The following RANBP2 variants were observed in gnomAD, a reference collection of about 807,000 sequenced individuals.
RANBP2 encodes the protein E3 SUMO-protein ligase RanBP2.
In RANBP2, 57 loss-of-function variants were observed where a neutral mutation model predicts 303.6. That is an observed-to-expected ratio of 0.19 (90% CI 0.15 to 0.23). The LOEUF (loss-of-function observed/expected upper bound fraction) is 0.23. RANBP2 is among the 10% of genes least tolerant of loss of function. The probability of loss-of-function intolerance (pLI) is 1.00; values close to 1 mark genes in which losing one functional copy is unlikely to be tolerated. For synonymous variants in RANBP2, 1,167 were observed against 1,301.5 expected, an observed-to-expected ratio of 0.90 and a Z score of 2.23; for missense variants, 3,138 against 3,780.8, an observed-to-expected ratio of 0.83 and a Z score of 4.46.
the RANBP2 span, among the ~76,000 whole-genome samples, chr2:109,347,045 T>G: frequency 0.21 from 31,298 of 152,158 alleles, 3,687 homozygotes; most frequent in African/African-American, 0.33. Flanking sequence ...CCATGAGTCC[T>G]CTGAGTGGAA....
chr2:109,318,662 C>G, the RANBP2 span, among the ~76,000 whole-genome samples: 1,286 of 152,200 alleles, frequency 8.4e-3, 15 homozygotes, highest in African/African-American at 0.03. Flanking sequence ...GATCAGAGTC[C>G]TAGGGAAGCC....
At chr2:109,720,410 A>G in the RANBP2 span, among the ~76,000 whole-genome samples, 1 of 152,084 alleles carries the variant, frequency 6.6e-6, no homozygotes, top group African/African-American at 2.4e-5. Flanking sequence ...TCACCTAAGG[A>G]GCTTTAAAAA....
At chr2:108,849,766 C>T in the RANBP2 span, among the ~76,000 whole-genome samples, 1 of 152,328 alleles carries the variant, frequency 6.6e-6, no homozygotes, top group Admixed American at 6.5e-5. Flanking sequence ...AGCCTAGGCA[C>T]AAGGGTTTCT....
At chr2:109,706,052 A>G in the RANBP2 span, among the ~76,000 whole-genome samples, 36 of 152,054 alleles carry the variant, frequency 2.4e-4, no homozygotes, top group Non-Finnish European at 4.9e-4. Context: ...CTATTAGAAT[A>G]TTCTTCCAAA....
At chr2:109,093,091 C>T in the RANBP2 span, among the ~76,000 whole-genome samples, 13 of 152,234 alleles carry the variant, frequency 8.5e-5, no homozygotes, top group East Asian at 2.5e-3. Flanking sequence ...TTTTGGGGTT[C>T]ATGTCATAGT....
chr2:109,212,605 T>TC, the RANBP2 span, among the ~76,000 whole-genome samples: 9 of 152,232 alleles, frequency 5.9e-5, no homozygotes, highest in Admixed American at 3.3e-4. Flanking sequence ...ATTTGACAGA[T>TC]CTTTTGGGTT....
At chr2:109,616,043 A>C in the RANBP2 span, 2 of 1,513,572 alleles carry the variant, frequency 1.3e-6, no homozygotes, top group Non-Finnish European at 1.8e-6. Context: ...TCACATTGAG[A>C]CCAAAGTCCA....
chr2:109,628,776 G>GT, the RANBP2 span, among the ~76,000 whole-genome samples: 3 of 152,000 alleles, frequency 2.0e-5, no homozygotes, highest in East Asian at 5.8e-4. Flanking sequence ...CACATTCCAG[G>GT]TAGTGTGTTT....
chr2:109,691,955 G>A, the RANBP2 span, among the ~76,000 whole-genome samples: 2 of 151,896 alleles, frequency 1.3e-5, no homozygotes. Context: ...GCTAATTTTT[G>A]TATTTTTTAG....
At chr2:108,923,575 G>C in the RANBP2 span, 2 of 811,802 alleles carry the variant, frequency 2.5e-6, no homozygotes, top group East Asian at 2.5e-5. Flanking sequence ...ATGAGGCCAC[G>C]CCCACTCAGT....
chr2:109,620,779 G>T, the RANBP2 span, among the ~76,000 whole-genome samples: 4,560 of 152,246 alleles, frequency 0.03, 83 homozygotes, highest in South Asian at 0.076. Context: ...ATTCTAATTG[G>T]CCTTAAATAG....
chr2:108,734,670 G>A (rs1348527900), intron 4 of RANBP2, among the ~76,000 whole-genome samples: 2 of 151,940 alleles, frequency 1.3e-5, no homozygotes, highest in East Asian at 1.9e-4. Flanking sequence ...TGGTGGAGAA[G>A]TATATTTCTG....
the RANBP2 span, among the ~76,000 whole-genome samples, chr2:109,433,828 G>A: frequency 6.6e-6 from 1 of 152,224 alleles, no homozygotes; most frequent in Non-Finnish European, 1.5e-5. Context: ...TCGCTCAGGT[G>A]ATGCTCAGCA....
chr2:109,271,358 T>C, the RANBP2 span, among the ~76,000 whole-genome samples: 1 of 152,200 alleles, frequency 6.6e-6, no homozygotes. Flanking sequence ...CCTAGAGGGA[T>C]GTGCAAAGAA....
the RANBP2 span, among the ~76,000 whole-genome samples, chr2:108,810,453 G>A: frequency 2.0e-5 from 3 of 152,278 alleles, no homozygotes; most frequent in African/African-American, 4.8e-5. Flanking sequence ...CTGTTAAAAC[G>A]TGATTATCAC....
At chr2:109,261,967 A>G in the RANBP2 span, among the ~76,000 whole-genome samples, 1 of 152,068 alleles carries the variant, frequency 6.6e-6, no homozygotes, top group Non-Finnish European at 1.5e-5. Flanking sequence ...ACTTCATTAC[A>G]TCAGAGGAAG....
chr2:108,845,571 ATT>A, the RANBP2 span, among the ~76,000 whole-genome samples: 227 of 111,668 alleles, frequency 2.0e-3, no homozygotes, highest in East Asian at 2.3e-3. Flanking sequence ...CTTTCATTTG[ATT>A]TTTTTTTTTT....
the RANBP2 span, chr2:109,437,143 A>G: frequency 1.2e-6 from 2 of 1,608,810 alleles, no homozygotes; most frequent in South Asian, 1.1e-5. Flanking sequence ...CACCATTTCA[A>G]CAGGTACCTT....
At chr2:109,607,572 C>T in the RANBP2 span, among the ~76,000 whole-genome samples, 293 of 152,174 alleles carry the variant, frequency 1.9e-3, 1 homozygote, top group African/African-American at 6.5e-3. Flanking sequence ...CTGGATTCCT[C>T]CCATTAGGGA....
Sources: gnomAD v4.1 joint callset for allele counts (sites outside exome capture counted in the v4.1 genomes callset) on GRCh38, gnomAD v4.1.1 for gene constraint, MANE v1.5 for transcripts, NCBI Gene and HGNC (gene_info 2026-07-23, HGNC 2026-07-21) for gene names.